Variants in DYNC2H1 observed in about 807,000 individuals in gnomAD.
DYNC2H1 encodes cytoplasmic dynein 2 heavy chain 1.
DYNC2H1 carries 410 observed loss-of-function variants against 570.0 expected under a neutral mutation model. The observed-to-expected ratio is 0.72, with a 90% CI of 0.66 to 0.78. DYNC2H1 has a LOEUF of 0.78. Among genes scored for constraint, DYNC2H1 ranks in the 30% least tolerant of loss-of-function variants. The probability of loss-of-function intolerance (pLI) is 0.00; values close to 1 mark genes in which losing one functional copy is unlikely to be tolerated. For synonymous variants in DYNC2H1, 1,688 were observed against 1,677.6 expected, an observed-to-expected ratio of 1.01 and a Z score of -0.15; for missense variants, 4,865 against 5,046.4, an observed-to-expected ratio of 0.96 and a Z score of 1.09.
intron 83 of DYNC2H1, among the ~76,000 whole-genome samples, chr11:103,375,453 G>T (rs183488128): frequency 1.3e-5 from 2 of 152,140 alleles, no homozygotes; most frequent in African/African-American, 4.8e-5. Context: ...AGCTTGCACC[G>T]TGCTTCTGGA....
intron 3 of DYNC2H1, 27 bp downstream of exon 3, chr11:103,114,265 G>C: frequency 6.5e-7 from 1 of 1,532,746 alleles, no homozygotes; most frequent in Non-Finnish European, 8.8e-7. Context: ...TAATAAAAGA[G>C]AGTACAAAAT....
Position 103,461,372 on chromosome 11 carries a change from A to G in DYNC2H1, c.12648+5016A>G, listed in dbSNP as rs115043931. Among the ~76,000 whole-genome samples, 1,436 of 152,308 alleles carry G rather than the reference A, an allele frequency of 9.4e-3. 18 individuals are homozygous for G. The highest frequency in any genetic ancestry group is 0.033 in the African/African-American group (1,357 of 41,566). On this transcript the variant is annotated intron_variant, in intron 87 of 88. Coordinates refer to ENST00000375735, the MANE Select transcript of DYNC2H1 (RefSeq NM_001377.3). The surrounding 1 kb of genome is among the most constrained non-coding windows in gnomAD (Gnocchi z 4.8). ...AGGCTGTAGTTCTCCAAACCGATCA[A>G]TATCTTAAACCCTTTAGACCTACTT...
chr11:103,392,233 C>A (rs1213284275), intron 83 of DYNC2H1, among the ~76,000 whole-genome samples: 1 of 152,228 alleles, frequency 6.6e-6, no homozygotes, highest in Non-Finnish European at 1.5e-5. Context: ...TGCTGCCTTG[C>A]AGTTTGATCT....
chr11:103,218,447 T>C (rs904040348), intron 55 of DYNC2H1, among the ~76,000 whole-genome samples: 1 of 152,182 alleles, frequency 6.6e-6, no homozygotes, highest in African/African-American at 2.4e-5. Flanking sequence ...TTTCTCAAGG[T>C]ATTTTGGAAC....
intron 73 of DYNC2H1, among the ~76,000 whole-genome samples, chr11:103,283,426 CAGGCTAAAATGTTGTTTTTGTGGGGA>C (rs1264481756): frequency 8.5e-5 from 13 of 152,104 alleles, no homozygotes; most frequent in African/African-American, 3.1e-4. Context: ...TTCAACTACT[CAGGCTAAAATGTTGTTTTTGTGGGGA>C]ATGAAAGACA....
chr11:103,166,791 G>A (rs1861323614), intron 31 of DYNC2H1, among the ~76,000 whole-genome samples: 1 of 151,784 alleles, frequency 6.6e-6, no homozygotes, highest in African/African-American at 2.4e-5. Flanking sequence ...TTATGATATA[G>A]ACACATCTTT....
intron 1 of DYNC2H1, among the ~76,000 whole-genome samples, chr11:103,112,174 A>G (rs1362587365): frequency 6.6e-6 from 1 of 152,080 alleles, no homozygotes; most frequent in Non-Finnish European, 1.5e-5. Context: ...AAGCAAAAGA[A>G]ACTGTAAGTA....
rs1429275168 is a variant in DYNC2H1, at chr11:103,461,882, ACAT to A, written c.12648+5530_12648+5532del. On this transcript the variant is annotated intron_variant, in intron 87 of 88. Coordinates refer to ENST00000375735, the MANE Select transcript of DYNC2H1 (RefSeq NM_001377.3). This position sits in a 1 kb window ranked among gnomAD's most constrained non-coding sequence, Gnocchi z 4.8. Reference sequence around the variant, plus strand: ...TTTTTCTTGCTAAAACACATTTCAGACATCATTTTATTTTACCCCTCTATGGTT... The same window carrying A: ...TTTTTCTTGCTAAAACACATTTCAGACATTTTATTTTACCCCTCTATGGTT... Among the ~76,000 whole-genome samples, 2 of 152,104 alleles carry A rather than the reference ACAT, an allele frequency of 1.3e-5. No homozygotes were observed. The highest frequency in any genetic ancestry group is 2.4e-5 in the African/African-American group (1 of 41,430).
chr11:103,159,249 G>T (rs553082662), intron 28 of DYNC2H1, among the ~76,000 whole-genome samples: 1 of 152,146 alleles, frequency 6.6e-6, no homozygotes, highest in African/African-American at 2.4e-5. Flanking sequence ...AGTATGTGGT[G>T]CTATAGGTCC....
At position 103,398,976 on chromosome 11, in the gene DYNC2H1, A is replaced by G. The variant is rs989763381; in HGVS notation, c.12157-687A>G. On this transcript the variant is annotated intron_variant, in intron 83 of 88. Coordinates refer to ENST00000375735, the MANE Select transcript of DYNC2H1 (RefSeq NM_001377.3). ...CCCATTCACATTTTATTTTAAAACC[A>G]TGATCTCTTCTGCTCTCTTTGTAGT... Among the ~76,000 whole-genome samples the G allele has an allele frequency of 5.9e-5, 9 of 152,294 alleles. 1 individual carries two copies.
chr11:103,297,923 C>T (rs1226988842), intron 75 of DYNC2H1, among the ~76,000 whole-genome samples: 1 of 152,060 alleles, frequency 6.6e-6, no homozygotes, highest in South Asian at 2.1e-4. Flanking sequence ...CTTCTCAGAC[C>T]TTTAGGACTT....
chr11:103,138,717 A>G (rs1370710487), intron 17 of DYNC2H1, among the ~76,000 whole-genome samples: 18 of 152,110 alleles, frequency 1.2e-4, no homozygotes, highest in Non-Finnish European at 1.2e-4. Context: ...TCAGGATGAC[A>G]CTGGCCTCAT....
intron 84 of DYNC2H1, among the ~76,000 whole-genome samples, chr11:103,421,363 T>C (rs542669056): frequency 4.3e-4 from 65 of 152,218 alleles, no homozygotes; most frequent in African/African-American, 1.5e-3. Context: ...GTGATAGATA[T>C]CTATACGACT....
At chr11:103,415,077 A>G (rs1943231795) in intron 84 of DYNC2H1, among the ~76,000 whole-genome samples, 1 of 152,204 alleles carries the variant, frequency 6.6e-6, no homozygotes, top group African/African-American at 2.4e-5. Flanking sequence ...AGGATTCCCT[A>G]TTTAATAAGT....
rs760803979 is a variant in DYNC2H1 at position 103,117,672 on chromosome 11, T to C, written c.808T>C (p.Leu270=). The C allele has an allele frequency of 6.2e-7, 1 of 1,609,186 alleles. No homozygotes were observed. Among genetic ancestry groups the C allele is most frequent in the Non-Finnish European group, 8.5e-7 (1 of 1,177,094 alleles). Residue 270 remains leucine, a synonymous_variant, in exon 6 of 89, where the codon TTG becomes CTG. Transcript: ENST00000375735. The part of the protein sequence containing the change: ...GRFVQKKLGT[L]NLWEDPYYLV... ...GTTTGTTCAGAAAAAGTTGGGAACT[T>C]TGAACCTGTGGGAAGATCCTTATTA...
At chr11:103,262,462 T>C (rs1865337891) in intron 70 of DYNC2H1, among the ~76,000 whole-genome samples, 1 of 152,004 alleles carries the variant, frequency 6.6e-6, no homozygotes, top group Non-Finnish European at 1.5e-5. Context: ...AAAGGTCGGG[T>C]TACTCACAAA....
intron 18 of DYNC2H1, among the ~76,000 whole-genome samples, chr11:103,144,180 T>C (rs1860115134): frequency 6.6e-6 from 1 of 152,304 alleles, no homozygotes; most frequent in African/African-American, 2.4e-5. Flanking sequence ...GCTCTGGAGT[T>C]AGGCAGCTGT....
chr11:103,142,909 G>A (rs1336371521), intron 17 of DYNC2H1, among the ~76,000 whole-genome samples: 2 of 152,108 alleles, frequency 1.3e-5, no homozygotes. Flanking sequence ...CAATACTTCT[G>A]TGTCTTAGAT....
In DYNC2H1 at chr11:103,176,380, T is replaced by C. The variant is rs1042308900; in HGVS notation, c.5820T>C (p.Ser1940=). Reference sequence around the variant, plus strand: ...AAGAAGTGGAATATGATGAACTAAGTGCTGCATTAAAGCAGGTCTTTGAAG... The same window carrying C: ...AAGAAGTGGAATATGATGAACTAAGCGCTGCATTAAAGCAGGTCTTTGAAG... ...ELKEVEYDEL[S]AALKQVFEEA... is the part of the protein sequence containing the mutation. Residue 1940 remains serine (S), a synonymous_variant, in exon 37 of 89, where the codon AGT becomes AGC. Transcript: ENST00000375735. The C allele has an allele frequency of 6.3e-7, 1 of 1,593,348 alleles. No individual in the cohort carries two copies. The highest frequency in any genetic ancestry group is 1.2e-5 in the South Asian group (1 of 85,972).
Sources: allele counts gnomAD v4.1 joint callset (sites outside exome capture counted in the v4.1 genomes callset), GRCh38; gene constraint gnomAD v4.1.1; non-coding constraint Gnocchi (gnomAD v3.1); transcripts MANE v1.5; gene names NCBI Gene and HGNC (gene_info 2026-07-23, HGNC 2026-07-21).